Variants in KHDRBS2 observed in about 807,000 individuals in gnomAD.
KHDRBS2 encodes KH domain-containing, RNA-binding, signal transduction-associated protein 2.
Under a neutral mutation model 44.3 loss-of-function variants are expected in KHDRBS2, and 26 were observed. The observed-to-expected ratio is 0.59, with a 90% CI of 0.43 to 0.81. KHDRBS2 has a LOEUF of 0.81. Ranked by LOEUF, KHDRBS2 falls within the 40% of genes least tolerant of loss-of-function variation. KHDRBS2 has a pLI of 0.00. For missense variants in KHDRBS2, 476 were observed against 433.1 expected (o/e 1.10, Z -0.88); for synonymous variants, 194 against 151.1 (o/e 1.28, Z -2.08).
At position 62,285,919 on chromosome 6, in the gene KHDRBS2, C is replaced by G. The variant is rs1299059737; in HGVS notation, c.30G>C (p.Leu10=). The G allele has an allele frequency of 6.2e-7, 1 of 1,613,288 alleles. No individual in the cohort carries two copies. Among genetic ancestry groups the G allele is most frequent in the East Asian group, 2.2e-5 (1 of 44,810 alleles). Residue 10 remains leucine, a synonymous_variant, in exon 1 of 9, where the codon CTG becomes CTC. Coordinates refer to ENST00000281156, the MANE Select transcript of KHDRBS2 (RefSeq NM_152688.4). The part of the protein sequence containing the change: MEEEKYLPE[L]MAEKDSLDPS... ...GATCCAGGCTATCTTTCTCTGCCAT[C>G]AGCTCAGGCAAATATTTCTCCTCTT...
chr6:61,703,849 C>A (rs566560280), intron 7 of KHDRBS2, among the ~76,000 whole-genome samples: 52 of 151,986 alleles, frequency 3.4e-4, no homozygotes, highest in Admixed American at 3.4e-3. Flanking sequence ...GACTCCACAA[C>A]TTCCATCCAC....
chr6:62,104,252 C>T lies in KHDRBS2; in HGVS notation c.220-56258G>A, dbSNP rs1213944898. ...CACATTCTCTCCAGTGTACCTAGAA[C>T]ATTTACACAAACTAGACCATCTTTT... is the stretch of plus-strand genomic sequence containing the variant. On this transcript the variant is annotated intron_variant, in intron 2 of 8. Coordinates refer to ENST00000281156, the MANE Select transcript of KHDRBS2 (RefSeq NM_152688.4). 1.3e-4 allele frequency among the ~76,000 whole-genome samples: 20 copies of T among 152,258 alleles called. No individual in the cohort carries two copies. In the East Asian group the frequency reaches 3.7e-3, roughly 28 times the overall value.
chr6:62,209,617 G>T (rs1445983622), intron 1 of KHDRBS2, among the ~76,000 whole-genome samples: 1 of 152,080 alleles, frequency 6.6e-6, no homozygotes, highest in Non-Finnish European at 1.5e-5. Flanking sequence ...ATCGTTCCTG[G>T]GTGTGTTTAT....
intron 6 of KHDRBS2, among the ~76,000 whole-genome samples, chr6:61,883,856 G>A (rs1297744369): frequency 6.6e-6 from 1 of 151,974 alleles, no homozygotes; most frequent in Non-Finnish European, 1.5e-5. Flanking sequence ...GGGGACTAGA[G>A]CATGAAACTC....
the KHDRBS2 span, among the ~76,000 whole-genome samples, chr6:61,612,847 T>C: frequency 7.9e-3 from 212 of 26,882 alleles, 1 homozygote; most frequent in African/African-American, 0.019. Flanking sequence ...GCCTTTTTTT[T>C]TTTTTTTTTT....
At chr6:61,960,723 C>G (rs1175920393) in intron 4 of KHDRBS2, among the ~76,000 whole-genome samples, 1 of 152,074 alleles carries the variant, frequency 6.6e-6, no homozygotes, top group Non-Finnish European at 1.5e-5. Context: ...TGAAAATGAT[C>G]AATTTTTCTT....
chr6:61,732,343 A>G (rs558570880), intron 7 of KHDRBS2, among the ~76,000 whole-genome samples: 155 of 148,978 alleles, frequency 1.0e-3, no homozygotes, highest in African/African-American at 3.3e-3. Flanking sequence ...ATATTTTAGG[A>G]AAAAAAAAAG....
intron 2 of KHDRBS2, among the ~76,000 whole-genome samples, chr6:62,122,746 C>A (rs1409855573): frequency 6.7e-6 from 1 of 149,898 alleles, no homozygotes; most frequent in Non-Finnish European, 1.5e-5. Flanking sequence ...GCACTACAGC[C>A]CCCTTTTAGC....
At chr6:61,845,467 GC>G (rs2052147898) in intron 6 of KHDRBS2, among the ~76,000 whole-genome samples, 1 of 152,036 alleles carries the variant, frequency 6.6e-6, no homozygotes, top group Non-Finnish European at 1.5e-5. Context: ...ATGCCACTAC[GC>G]CCAGCTAATT....
intron 1 of KHDRBS2, among the ~76,000 whole-genome samples, chr6:62,274,273 G>A (rs1840558705): frequency 6.6e-6 from 1 of 152,118 alleles, no homozygotes; most frequent in African/African-American, 2.4e-5. Flanking sequence ...AACTGTTGCT[G>A]TAGCTACCTG....
intron 6 of KHDRBS2, among the ~76,000 whole-genome samples, chr6:61,845,106 T>C (rs1296592040): frequency 2.6e-5 from 4 of 152,174 alleles, no homozygotes; most frequent in African/African-American, 4.8e-5. Context: ...ACATATTTTG[T>C]TTCGGAATTA....
intron 2 of KHDRBS2, among the ~76,000 whole-genome samples, chr6:62,151,024 C>T (rs957037331): frequency 1.6e-4 from 24 of 152,120 alleles, no homozygotes; most frequent in African/African-American, 5.8e-4. Flanking sequence ...CCTCACCCGT[C>T]CCTACCCCAT....
At chr6:62,173,649 G>A (rs1375879876) in intron 2 of KHDRBS2, among the ~76,000 whole-genome samples, 5 of 151,858 alleles carry the variant, frequency 3.3e-5, no homozygotes, top group African/African-American at 1.2e-4. Context: ...CTTGATGAAC[G>A]TAGATGCAAC....
At chr6:61,939,695 T>G (rs914170966) in intron 4 of KHDRBS2, among the ~76,000 whole-genome samples, 2 of 152,206 alleles carry the variant, frequency 1.3e-5, no homozygotes, top group African/African-American at 4.8e-5. Context: ...AATTTTAGAC[T>G]CCAAGAACAG....
chr6:61,699,250 A>C (rs560912257), intron 7 of KHDRBS2, among the ~76,000 whole-genome samples: 5 of 152,036 alleles, frequency 3.3e-5, no homozygotes, highest in Non-Finnish European at 7.4e-5. Flanking sequence ...ACCACGTCAC[A>C]ATTTAAAAAA....
chr6:61,714,762 T>C (rs1417086492), intron 7 of KHDRBS2, among the ~76,000 whole-genome samples: 8 of 151,886 alleles, frequency 5.3e-5, no homozygotes, highest in Non-Finnish European at 5.9e-5. Flanking sequence ...TGGATGGAAC[T>C]GGAGGCTACT....
At chr6:61,600,866 A>G in the KHDRBS2 span, among the ~76,000 whole-genome samples, 1 of 151,976 alleles carries the variant, frequency 6.6e-6, no homozygotes, top group Non-Finnish European at 1.5e-5. Context: ...ACATCTTTCA[A>G]TCTCTCCCTT....
intron 2 of KHDRBS2, among the ~76,000 whole-genome samples, chr6:62,133,358 C>T (rs1810790070): frequency 6.6e-6 from 1 of 152,120 alleles, no homozygotes; most frequent in South Asian, 2.1e-4. Context: ...AAGGGGAATC[C>T]CCTTTTGCTT....
intron 1 of KHDRBS2, among the ~76,000 whole-genome samples, chr6:62,232,041 T>C (rs887782062): frequency 1.3e-5 from 2 of 152,206 alleles, no homozygotes; most frequent in African/African-American, 4.8e-5. Flanking sequence ...GCTGTACTCT[T>C]TGAGGGCAGT....
Sources: allele counts gnomAD v4.1 joint callset (sites outside exome capture counted in the v4.1 genomes callset), GRCh38; gene constraint gnomAD v4.1.1; transcripts MANE v1.5; gene names NCBI Gene and HGNC (gene_info 2026-07-23, HGNC 2026-07-21).